SLIT3: variants seen among roughly 807,000 people sequenced by gnomAD.
SLIT3 encodes slit guidance ligand 3, also known as slit homolog 3 protein.
Under a neutral mutation model 184.0 loss-of-function variants are expected in SLIT3, and 68 were observed. The observed-to-expected ratio is 0.37, with a 90% confidence interval of 0.30 to 0.45. The LOEUF is 0.45. Among genes scored for constraint, SLIT3 ranks in the 20% least tolerant of loss-of-function variants. The pLI is 1.00. For missense variants in SLIT3, 1,707 were observed against 2,026.0 expected (o/e 0.84, Z 3.02); for synonymous variants, 831 against 828.6 (o/e 1.00, Z -0.05).
chr5:169,075,473 T>A (rs1321117024), intron 4 of SLIT3, among the ~76,000 whole-genome samples: 1 of 152,158 alleles, frequency 6.6e-6, no homozygotes, highest in Non-Finnish European at 1.5e-5. Flanking sequence ...TTCGAAAATA[T>A]CGTGAAGTTG....
rs114082363 is a variant in SLIT3, at chr5:168,697,154, T to C, written c.2943-723A>G. On this transcript the variant is annotated intron_variant, in intron 27 of 35. Transcript: ENST00000519560. ...TCTTCAGGGATGCCATTTCTTCCCA[T>C]CATGTATTCTTGCTACTTCTGAGCC... Among the ~76,000 whole-genome samples, 242 of 152,338 alleles carry C rather than the reference T, an allele frequency of 1.6e-3. 2 individuals carry two copies. Among genetic ancestry groups the C allele is most frequent in the African/African-American group, 5.5e-3 (230 of 41,586 alleles).
At chr5:169,069,820 A>G (rs1414616710) in intron 4 of SLIT3, among the ~76,000 whole-genome samples, 4 of 151,970 alleles carry the variant, frequency 2.6e-5, no homozygotes, top group African/African-American at 9.7e-5. Context: ...CACCATGAGA[A>G]CAGAGAAGCA....
chr5:169,175,417 C>T (rs1339980909), intron 4 of SLIT3, among the ~76,000 whole-genome samples: 3 of 152,116 alleles, frequency 2.0e-5, no homozygotes, highest in Admixed American at 2.0e-4. Flanking sequence ...GTTATCAGCG[C>T]CACCATCTAA....
chr5:169,110,690 T>C (rs1338183694), intron 4 of SLIT3, among the ~76,000 whole-genome samples: 1 of 152,194 alleles, frequency 6.6e-6, no homozygotes, highest in South Asian at 2.1e-4. Flanking sequence ...AGGACTTCAG[T>C]GTCTTTTTAG....
intron 6 of SLIT3, 132 bp from the exon 7 acceptor site, chr5:168,823,463 A>G: frequency 2.6e-6 from 2 of 756,846 alleles, no homozygotes; most frequent in South Asian, 1.4e-5. Flanking sequence ...CAGCCAGTGG[A>G]GCAGCTGAAG....
chr5:169,247,314 G>T (rs796416545), intron 2 of SLIT3, among the ~76,000 whole-genome samples: 1 of 151,934 alleles, frequency 6.6e-6, no homozygotes, highest in Admixed American at 6.6e-5. Context: ...ACACTAGCAC[G>T]TCACGCTAAA....
At chr5:169,009,822 T>C (rs1756076177) in intron 4 of SLIT3, among the ~76,000 whole-genome samples, 1 of 152,236 alleles carries the variant, frequency 6.6e-6, no homozygotes, top group Admixed American at 6.5e-5. Context: ...TATAATTAAA[T>C]ACATGCTAGA....
intron 25 of SLIT3, among the ~76,000 whole-genome samples, chr5:168,709,057 A>G (rs1365699256): frequency 1.3e-5 from 2 of 151,348 alleles, no homozygotes; most frequent in Non-Finnish European, 2.9e-5. Flanking sequence ...AACCCAGATG[A>G]CTTAGCTGCC....
intron 4 of SLIT3, among the ~76,000 whole-genome samples, chr5:169,183,931 A>G (rs1763249343): frequency 6.6e-6 from 1 of 152,230 alleles, no homozygotes; most frequent in South Asian, 2.1e-4. Context: ...CTTCTTAAAA[A>G]AAATTTAAAA....
chr5:168,944,052 C>G (rs1015209924), intron 4 of SLIT3, among the ~76,000 whole-genome samples: 10 of 152,188 alleles, frequency 6.6e-5, no homozygotes, highest in African/African-American at 2.4e-4. Context: ...TTGTTATGCA[C>G]AGTCCCCATC....
intron 33 of SLIT3, 42 bp from the exon 34 acceptor site, chr5:168,671,525 CT>C: frequency 3.2e-6 from 5 of 1,573,646 alleles, no homozygotes; most frequent in Non-Finnish European, 3.5e-6. Flanking sequence ...AGACCCTCCC[CT>C]GCCACCCTGC....
chr5:169,174,545 T>G (rs1228443807), intron 4 of SLIT3, among the ~76,000 whole-genome samples: 1 of 152,178 alleles, frequency 6.6e-6, no homozygotes, highest in East Asian at 1.9e-4. Flanking sequence ...ACTCTTTCCC[T>G]TGACGTCAAA....
At chr5:169,044,696 C>T (rs1447374763) in intron 4 of SLIT3, among the ~76,000 whole-genome samples, 3 of 151,744 alleles carry the variant, frequency 2.0e-5, no homozygotes, top group African/African-American at 4.8e-5. Flanking sequence ...AGTGCATAGA[C>T]TAAAAAGCAC....
intron 3 of SLIT3, 114 bp downstream of exon 3, chr5:169,244,591 T>G: frequency 2.5e-6 from 2 of 814,692 alleles, no homozygotes; most frequent in Non-Finnish European, 4.0e-6. Flanking sequence ...ATTTAAACAC[T>G]GGAGACCTTT....
At chr5:168,921,373 A>G (rs1324298470) in intron 4 of SLIT3, among the ~76,000 whole-genome samples, 1 of 152,176 alleles carries the variant, frequency 6.6e-6, no homozygotes, top group Non-Finnish European at 1.5e-5. Context: ...GTAAAGATAT[A>G]TGGGAGAAGC....
chr5:168,746,118 C>T (rs947689307), intron 20 of SLIT3, among the ~76,000 whole-genome samples: 3 of 152,202 alleles, frequency 2.0e-5, no homozygotes, highest in Non-Finnish European at 4.4e-5. Flanking sequence ...GTGCGACTTG[C>T]TTCATTGCAG....
intron 6 of SLIT3, among the ~76,000 whole-genome samples, chr5:168,829,074 G>A (rs925096591): frequency 6.6e-5 from 10 of 152,148 alleles, no homozygotes; most frequent in African/African-American, 2.2e-4. Context: ...GAGTGTCAAC[G>A]TGGGGCTCTC....
intron 5 of SLIT3, among the ~76,000 whole-genome samples, chr5:168,873,487 C>T (rs570941243): frequency 3.3e-4 from 50 of 151,536 alleles, no homozygotes; most frequent in Non-Finnish European, 5.9e-4. Context: ...AAAAATTAGC[C>T]GGGTGTGGTG....
intron 3 of SLIT3, among the ~76,000 whole-genome samples, chr5:169,196,174 AG>A (rs1189071769): frequency 6.6e-6 from 1 of 151,026 alleles, no homozygotes; most frequent in Non-Finnish European, 1.5e-5. Flanking sequence ...AAAAAAAAAG[AG>A]GGGGACTCCA....
Sources: gnomAD v4.1 joint callset for allele counts (sites outside exome capture counted in the v4.1 genomes callset) on GRCh38, gnomAD v4.1.1 for gene constraint, MANE v1.5 for transcripts, NCBI Gene and HGNC (gene_info 2026-07-23, HGNC 2026-07-21) for gene names.